PIGQ: variants seen among roughly 807,000 people sequenced by gnomAD.
PIGQ encodes phosphatidylinositol N-acetylglucosaminyltransferase subunit Q.
In PIGQ, 54 loss-of-function variants were observed where a neutral mutation model predicts 60.3. That is an observed-to-expected ratio of 0.90 (90% CI 0.72 to 1.12). The LOEUF is 1.12. Among genes scored for constraint, PIGQ ranks in the 50% most tolerant of loss-of-function variants. The pLI is 0.00. For missense variants in PIGQ, 799 were observed against 793.5 expected (o/e 1.01, Z -0.08); for synonymous variants, 416 against 363.7 (o/e 1.14, Z -1.64).
Position 578,884 on chromosome 16 carries a change from A to T in PIGQ, c.1169A>T (p.Asp390Val). ...ACGGTGGCCCTGTCCCTCCTCTCGG[A>T]CATTATCGCCCTCCTCACCTTCCAC... ...GLTVALSLLS[D>V]IIALLTFHIY... The change falls in exon 6 of 11, where the codon GAC (aspartate) becomes GTC (valine). Residue 390 changes from aspartate to valine, a missense_variant. Asp to Val is a radical substitution (Grantham distance 152). Coordinates refer to ENST00000321878, the MANE Select transcript of PIGQ (RefSeq NM_004204.5). 1 of 1,613,576 alleles carries T rather than the reference A, an allele frequency of 6.2e-7. No individual in the cohort carries two copies. Among genetic ancestry groups the T allele is most frequent in the Non-Finnish European group, 8.5e-7 (1 of 1,179,910 alleles).
intron 1 of PIGQ, chr16:572,502 C>A (rs909651382): frequency 2.9e-5 from 13 of 456,098 alleles, no homozygotes; most frequent in Non-Finnish European, 5.3e-5. Flanking sequence ...CTCCAAGCTT[C>A]GGGAGAGGAC....
At chr16:580,120 G>A in intron 7 of PIGQ, 63 bp from the exon 8 acceptor site, 1 of 1,355,360 alleles carries the variant, frequency 7.4e-7, no homozygotes, top group Non-Finnish European at 1.0e-6. Flanking sequence ...GGAGGGCACA[G>A]TGCTGGGCCG....
In PIGQ at chr16:583,554, G is replaced by A. The variant is rs575374982; in HGVS notation, c.*519G>A. Reference sequence around the variant, plus strand: ...GGGATTGAAGCAGTCGCTGACCCCCGTCCCCAGCGGGCCCGGGCCCTCACT... The same window carrying A: ...GGGATTGAAGCAGTCGCTGACCCCCATCCCCAGCGGGCCCGGGCCCTCACT... On this transcript the variant is annotated 3_prime_UTR_variant, in exon 11 of 11. Transcript: ENST00000321878. 5.0e-6 allele frequency: 8 copies of A among 1,612,436 alleles called. No homozygotes were observed. The highest frequency in any genetic ancestry group is 5.9e-6 in the Non-Finnish European group (7 of 1,179,670).
chr16:578,871 T>TCCCTCCTCTCGGACATTATCG lies in PIGQ; in HGVS notation c.1165_1185dup (p.Ser389_Leu395dup), dbSNP rs1567176650. The TCCCTCCTCTCGGACATTATCG allele has an allele frequency of 6.2e-7, 1 of 1,613,768 alleles. No individual in the cohort carries two copies. Among genetic ancestry groups the TCCCTCCTCTCGGACATTATCG allele is most frequent in the Non-Finnish European group, 8.5e-7 (1 of 1,179,940 alleles). ...CTGCCTGGGCCTGACGGTGGCCCTG[T>TCCCTCCTCTCGGACATTATCG]CCCTCCTCTCGGACATTATCGCCCT... On this transcript the variant is annotated inframe_insertion, in exon 6 of 11. Transcript: ENST00000321878.
chr16:580,159 C>G (rs766865788), intron 7 of PIGQ, 24 bp from the exon 8 acceptor site: 1 of 1,593,668 alleles, frequency 6.3e-7, no homozygotes, highest in Admixed American at 1.7e-5. Context: ...TGCTGATGCC[C>G]GGTGTGCTGG....
intron 1 of PIGQ, among the ~76,000 whole-genome samples, chr16:573,779 G>A (rs1019247275): frequency 5.9e-5 from 9 of 152,182 alleles, no homozygotes; most frequent in African/African-American, 2.2e-4. Context: ...GCCTGGAAAT[G>A]GGAGGGCAGG....
intron 4 of PIGQ, among the ~76,000 whole-genome samples, chr16:577,578 GAAA>G (rs36098074): frequency 3.9e-5 from 5 of 126,876 alleles, no homozygotes; most frequent in Admixed American, 7.9e-5. Flanking sequence ...CTCCGTCTCA[GAAA>G]AAAAAAAAAA....
At position 579,165 on chromosome 16, in the gene PIGQ, C is replaced by T. The variant is rs971874541; in HGVS notation, c.1320C>T (p.Ser440=). The change falls in exon 7 of 11, where the codon TCC becomes TCT. Residue 440 remains serine, a synonymous_variant. Transcript: ENST00000321878. ...NVLRQRVDSC[S]YDLDQLFIGT... ...TGCGCCAGCGCGTGGACTCCTGTTC[C>T]TATGACCTGGACCAGGTATGGGGCA... The T allele has an allele frequency of 1.2e-6, 2 of 1,612,642 alleles. No homozygotes were observed. The highest frequency in any genetic ancestry group is 1.1e-5 in the South Asian group (1 of 91,076).
At chr16:570,129 A>T (rs1331420199) in intron 1 of PIGQ, 33 bp downstream of exon 1, 1 of 150,496 alleles carries the variant, frequency 6.6e-6, no homozygotes, top group Non-Finnish European at 1.5e-5. Flanking sequence ...GCGCGGCGGG[A>T]CCTCGGGCAG....
chr16:571,524 GGCTAGCCTGGCGCC>G (rs1402057141), intron 1 of PIGQ, among the ~76,000 whole-genome samples: 58 of 114,356 alleles, frequency 5.1e-4, no homozygotes, highest in African/African-American at 8.0e-4. Context: ...GTGTGTGTCT[GGCTAGCCTGGCGCC>G]TGTGTGTGTG....
chr16:575,963 C>T lies in PIGQ; in HGVS notation c.814C>T (p.Leu272=), dbSNP rs781614768. 5 of 1,584,000 alleles carry T rather than the reference C, an allele frequency of 3.2e-6. No homozygotes were observed. The highest frequency in any genetic ancestry group is 1.7e-4 in the Middle Eastern group (1 of 6,022). ...ACGGAAGGCGGAGAACCCTGCCCAG[C>T]TGATGAGGTGTGGGCCTGCCCTGGT... ...STRKAENPAQ[L]MRKANTVASV... is the part of the protein sequence containing the mutation. The change falls in exon 3 of 11, where the codon CTG becomes TTG. Residue 272 remains leucine (L), a synonymous_variant. Coordinates refer to ENST00000321878, the MANE Select transcript of PIGQ (RefSeq NM_004204.5).
In PIGQ at chr16:582,775, G is replaced by C; in HGVS notation, c.1594-108G>C. Reference sequence around the variant, plus strand: ...TGGCTTCTCCCACAGGCAAGGGAATGTCTGAGACAGCACTGGCCCTGCCTC... The same window carrying C: ...TGGCTTCTCCCACAGGCAAGGGAATCTCTGAGACAGCACTGGCCCTGCCTC... On this transcript the variant is annotated intron_variant, in intron 10 of 10. Coordinates refer to ENST00000321878, the MANE Select transcript of PIGQ (RefSeq NM_004204.5). The C allele has an allele frequency of 3.3e-6, 4 of 1,211,940 alleles. No individual in the cohort carries two copies. In the Admixed American group the frequency reaches 6.5e-5, roughly 20 times the overall value. The allele number at this position is 1,211,940 out of a possible 1,614,324, so 75.1% of individuals were successfully genotyped here. A position where few individuals can be genotyped will look rare whatever the true frequency, so the allele number is the denominator to read the frequency against.
At position 578,843 on chromosome 16, in the gene PIGQ, G is replaced by T. The variant is rs758238984; in HGVS notation, c.1128G>T (p.Ser376=). ...ACATCCTTTGGCACGTGGGCCTCTCGGCCTGCCTGGGCCTGACGGTGGCCC... is the reference window on the plus strand; with the variant it reads ...ACATCCTTTGGCACGTGGGCCTCTCTGCCTGCCTGGGCCTGACGGTGGCCC... ...VEHILWHVGL[S]ACLGLTVALS... The change falls in exon 6 of 11, where the codon TCG becomes TCT. Residue 376 remains serine, a synonymous_variant. Coordinates refer to ENST00000321878, the MANE Select transcript of PIGQ (RefSeq NM_004204.5). 1 of 1,613,644 alleles carries T rather than the reference G, an allele frequency of 6.2e-7. No homozygotes were observed.
At chr16:573,438 T>C (rs1413007867) in intron 1 of PIGQ, among the ~76,000 whole-genome samples, 2 of 152,108 alleles carry the variant, frequency 1.3e-5, no homozygotes, top group East Asian at 1.9e-4. Flanking sequence ...CTGTGTGCCC[T>C]GAGCAACGAG....
chr16:579,029 G>T, intron 6 of PIGQ, 40 bp from the exon 7 acceptor site: 1 of 1,546,578 alleles, frequency 6.5e-7, no homozygotes, highest in Non-Finnish European at 8.8e-7. Context: ...GGCGGGGCGG[G>T]GCGGGGCGGG....
At chr16:581,357 G>T (rs1341471453) in intron 9 of PIGQ, 1 of 1,197,120 alleles carries the variant, frequency 8.4e-7, no homozygotes, top group South Asian at 1.6e-5. Context: ...TGCCCCGTCC[G>T]CTGTGCCGGA....
chr16:573,192 C>T (rs2035662963), intron 1 of PIGQ, among the ~76,000 whole-genome samples: 1 of 152,244 alleles, frequency 6.6e-6, no homozygotes, highest in East Asian at 1.9e-4. Context: ...TCAACAGCCA[C>T]CTTGGAAGGC....
intron 4 of PIGQ, chr16:578,123 G>A (rs1323051182): frequency 4.7e-6 from 2 of 422,022 alleles, no homozygotes; most frequent in South Asian, 3.1e-5. Flanking sequence ...GGTGCAGGCA[G>A]GGGGCCACGC....
chr16:573,102 A>G (rs922585692), intron 1 of PIGQ, among the ~76,000 whole-genome samples: 2 of 152,176 alleles, frequency 1.3e-5, no homozygotes, highest in Admixed American at 1.3e-4. Context: ...AGCTGGCTGC[A>G]TGGCTCCGCA....
Sources: gnomAD v4.1 joint callset for allele counts (sites outside exome capture counted in the v4.1 genomes callset) on GRCh38, gnomAD v4.1.1 for gene constraint, MANE v1.5 for transcripts, NCBI Gene and HGNC (gene_info 2026-07-23, HGNC 2026-07-21) for gene names.